The following DDX43 variants were observed in gnomAD, a reference collection of about 807,000 sequenced individuals.
DDX43 encodes the protein DEAD-box helicase 43, also known as probable ATP-dependent RNA helicase DDX43.
A neutral mutation model predicts 84.9 loss-of-function variants in DDX43; 50 were observed. The ratio of observed to expected loss-of-function variants is 0.59; its 90% CI spans 0.47 to 0.75. The LOEUF is 0.75. Ranked by LOEUF, DDX43 falls within the 30% of genes least tolerant of loss-of-function variation. The probability of loss-of-function intolerance (pLI) is 0.00; values close to 1 mark genes in which losing one functional copy is unlikely to be tolerated. For synonymous variants in DDX43, 291 were observed against 266.3 expected, an observed-to-expected ratio of 1.09 and a Z score of -0.90; for missense variants, 689 against 798.6, an observed-to-expected ratio of 0.86 and a Z score of 1.65.
At chr6:73,409,462 G>C in intron 10 of DDX43, 114 bp downstream of exon 10, 5 of 828,536 alleles carry the variant, frequency 6.0e-6, no homozygotes, top group Non-Finnish European at 8.0e-6. Flanking sequence ...GAAATCTTTA[G>C]GTGAAAGATC....
chr6:73,402,023 GT>G, intron 4 of DDX43, 33 bp downstream of exon 4: 1 of 1,609,836 alleles, frequency 6.2e-7, no homozygotes, highest in Non-Finnish European at 8.5e-7. Flanking sequence ...TACATATATT[GT>G]TTCTGTTAAC....
rs147467609 is a variant in DDX43, at chr6:73,395,014, C to A, written c.109C>A (p.Arg37=). ...GAGGAGGCCGGCGGAGGAGTTGAATCGAACAGGTCCTGAGGGATATAGTGT... is the reference window on the plus strand; with the variant it reads ...GAGGAGGCCGGCGGAGGAGTTGAATAGAACAGGTCCTGAGGGATATAGTGT... ...PERRPAEELN[R]TGPEGYSVGR... is the part of the protein sequence containing the mutation. Residue 37 remains arginine, a synonymous_variant, in exon 1 of 17, where the codon CGA becomes AGA. Transcript: ENST00000370336. 1,743 of 1,614,132 alleles carry A rather than the reference C, an allele frequency of 1.1e-3. 2 individuals are homozygous for A. The highest frequency in any genetic ancestry group is 1.4e-3 in the Non-Finnish European group (1,680 of 1,180,042).
At chr6:73,407,854 C>A in intron 8 of DDX43, 106 bp from the exon 9 acceptor site, 3 of 1,117,582 alleles carry the variant, frequency 2.7e-6, no homozygotes, top group Non-Finnish European at 3.9e-6. Flanking sequence ...GGGGCAGATA[C>A]CCCTAAAGGT....
chr6:73,402,036 G>A (rs767499666), intron 4 of DDX43, 46 bp downstream of exon 4: 69 of 1,605,636 alleles, frequency 4.3e-5, no homozygotes, highest in Non-Finnish European at 5.7e-5. Flanking sequence ...TCTGTTAACT[G>A]CAGTTTTTAT....
intron 2 of DDX43, among the ~76,000 whole-genome samples, chr6:73,398,619 C>T (rs1404397035): frequency 6.6e-6 from 1 of 152,064 alleles, no homozygotes; most frequent in African/African-American, 2.4e-5. Context: ...AGGTAAAAAT[C>T]GTTAGAGATA....
At chr6:73,403,305 A>G (rs1395706833) in intron 4 of DDX43, among the ~76,000 whole-genome samples, 6 of 152,094 alleles carry the variant, frequency 3.9e-5, no homozygotes, top group Non-Finnish European at 8.8e-5. Flanking sequence ...CCCCATCTCT[A>G]CTAAAAATAC....
At chr6:73,405,490 A>G (rs932527246) in intron 5 of DDX43, among the ~76,000 whole-genome samples, 189 bp from the exon 6 acceptor site, 4 of 152,178 alleles carry the variant, frequency 2.6e-5, no homozygotes, top group Non-Finnish European at 4.4e-5. Context: ...TCCCATTGCA[A>G]CTATTCTCAG....
At chr6:73,410,065 T>TTA (rs1769756157) in intron 10 of DDX43, among the ~76,000 whole-genome samples, 1 of 151,568 alleles carries the variant, frequency 6.6e-6, no homozygotes, top group South Asian at 2.1e-4. Context: ...TATCCTGGGC[T>TTA]TATATACTTT....
chr6:73,395,196 C>T, intron 1 of DDX43, 41 bp downstream of exon 1: 1 of 1,559,208 alleles, frequency 6.4e-7, no homozygotes, highest in Non-Finnish European at 8.7e-7. Context: ...TAGGTGGGGC[C>T]AGGGGCGGAG....
chr6:73,412,155 T>C (rs1237282162), intron 10 of DDX43, 50 bp from the exon 11 acceptor site: 2 of 1,495,466 alleles, frequency 1.3e-6, no homozygotes, highest in South Asian at 1.2e-5. Flanking sequence ...TAAGGAAACA[T>C]AGTAATGTTT....
chr6:73,400,514 A>T (rs1769547159), intron 3 of DDX43, 151 bp downstream of exon 3: 1 of 669,970 alleles, frequency 1.5e-6, no homozygotes, highest in African/African-American at 1.9e-5. Context: ...GAAAGCCCAG[A>T]ATATTTTTCC....
chr6:73,402,088 T>C, intron 4 of DDX43, 98 bp downstream of exon 4: 2 of 1,458,236 alleles, frequency 1.4e-6, no homozygotes, highest in Non-Finnish European at 9.4e-7. Context: ...TAATGAAATG[T>C]ATATGAAAAT....
At chr6:73,411,543 G>A (rs990580783) in intron 10 of DDX43, among the ~76,000 whole-genome samples, 3 of 151,738 alleles carry the variant, frequency 2.0e-5, no homozygotes, top group Non-Finnish European at 4.4e-5. Context: ...TGACCAGGCT[G>A]GTCTCAAACT....
At position 73,405,772 on chromosome 6, in the gene DDX43, A is replaced by G. The variant is rs762563783; in HGVS notation, c.744A>G (p.Gln248=). 8.1e-6 allele frequency: 13 copies of G among 1,614,150 alleles called. No individual in the cohort carries two copies. Among genetic ancestry groups the G allele is most frequent in the East Asian group, 6.7e-5 (3 of 44,878 alleles). The change falls in exon 6 of 17, where the codon CAA becomes CAG. Residue 248 remains glutamine, a synonymous_variant. Transcript: ENST00000370336. ...NPTCTFDDAF[Q]CYPEVMENIK... ...CCTGCACATTTGATGACGCCTTTCA[A>G]TGTTATCCTGAGGTTATGGAAAACA...
Position 73,397,707 on chromosome 6 carries a change from TAAAG to T in DDX43, c.272_275del (p.Lys91IlefsTer12). ...AAAACAGGTCGTGGTGGGTCAAAAATAAAGAATATACAAAGTACAACAAACACCA... is the reference window on the plus strand; with the variant it reads ...AAAACAGGTCGTGGTGGGTCAAAAATAATATACAAAGTACAACAAACACCA... On this transcript the variant is annotated frameshift_variant, in exon 2 of 17. Transcript: ENST00000370336. LOFTEE classifies it high-confidence loss of function. The T allele has an allele frequency of 6.2e-7, 1 of 1,613,592 alleles. No homozygotes were observed. Among genetic ancestry groups the T allele is most frequent in the Non-Finnish European group, 8.5e-7 (1 of 1,179,586 alleles).
rs1320781102 is a variant in DDX43 at position 73,413,702 on chromosome 6, A to C, written c.1413A>C (p.Glu471Asp). The C allele has an allele frequency of 1.9e-6, 3 of 1,613,852 alleles. No homozygotes were observed. The highest frequency in any genetic ancestry group is 1.1e-5 in the South Asian group (1 of 91,048). ...VKQNIIVTTE[E>D]EKWSHMQTFL... ...AAAATATAATTGTAACCACCGAGGA[A>C]GAGAAATGGAGTCACATGCAAACTT... Residue 471 changes from glutamate (E) to aspartate (D), a missense_variant, in exon 12 of 17, where the codon GAA becomes GAC. By Grantham distance (45) the Glu-to-Asp change is conservative. Transcript: ENST00000370336.
chr6:73,395,600 C>A (rs1431136728), intron 1 of DDX43, among the ~76,000 whole-genome samples: 1 of 148,006 alleles, frequency 6.8e-6, no homozygotes, highest in African/African-American at 2.5e-5. Flanking sequence ...GGTGACAGAG[C>A]AAGACTCCGT....
intron 1 of DDX43, 106 bp downstream of exon 1, chr6:73,395,261 G>A: frequency 7.3e-7 from 1 of 1,360,936 alleles, no homozygotes; most frequent in South Asian, 1.4e-5. Flanking sequence ...CTGCCACCTA[G>A]TGAGGTTCAG....
At position 73,407,480 on chromosome 6, in the gene DDX43, ATATTAATC is replaced by A; in HGVS notation, c.927-23_927-16del. 2.1e-6 allele frequency: 3 copies of A among 1,446,816 alleles called. No individual in the cohort carries two copies. Among genetic ancestry groups the A allele is most frequent in the Non-Finnish European group, 2.9e-6 (3 of 1,032,936 alleles). 89.6% of individuals were successfully genotyped at this position (1,446,816 alleles called of 1,614,324 possible). On this transcript the variant is annotated splice_polypyrimidine_tract_variant and intron_variant, in intron 7 of 16. Transcript: ENST00000370336. Reference sequence around the variant, plus strand: ...CCGTGCATCTGAGACAAGTAATTTAATATTAATCTGTTTTCTCTCCAAAGCCTTAAAGG... The same window carrying A: ...CCGTGCATCTGAGACAAGTAATTTAATGTTTTCTCTCCAAAGCCTTAAAGG...
Sources: allele counts gnomAD v4.1 joint callset (sites outside exome capture counted in the v4.1 genomes callset), GRCh38; gene constraint gnomAD v4.1.1; transcripts MANE v1.5; gene names NCBI Gene and HGNC (gene_info 2026-07-23, HGNC 2026-07-21).